Variants in FRMD4A observed in about 807,000 individuals in gnomAD.
FRMD4A encodes the protein FERM domain containing 4A, also known as FERM domain-containing protein 4A.
Under a neutral mutation model 129.1 loss-of-function variants are expected in FRMD4A, and 29 were observed. That is an observed-to-expected ratio of 0.22 (90% CI 0.17 to 0.31). The LOEUF is 0.31. Among genes scored for constraint, FRMD4A ranks in the 10% least tolerant of loss-of-function variants. The probability of loss-of-function intolerance (pLI) is 1.00; values close to 1 mark genes in which losing one functional copy is unlikely to be tolerated. For synonymous variants in FRMD4A, 634 were observed against 571.6 expected (o/e 1.11, Z -1.56); for missense variants, 1,272 against 1,375.8 (o/e 0.92, Z 1.19).
intron 2 of FRMD4A, among the ~76,000 whole-genome samples, chr10:14,162,839 C>G (rs1303143671): frequency 2.0e-5 from 3 of 152,026 alleles, no homozygotes; most frequent in Non-Finnish European, 4.4e-5. Flanking sequence ...TGCCCAAGAG[C>G]CTTACCCAAG....
intron 4 of FRMD4A, among the ~76,000 whole-genome samples, chr10:13,797,083 G>A (rs539778140): frequency 7.2e-5 from 11 of 152,310 alleles, no homozygotes; most frequent in East Asian, 1.9e-4. Context: ...AGGGGATACC[G>A]AGTCAGCAGT....
intron 2 of FRMD4A, among the ~76,000 whole-genome samples, chr10:14,144,802 C>G (rs11258898): frequency 1.3e-5 from 2 of 151,972 alleles, no homozygotes; most frequent in African/African-American, 4.8e-5. Context: ...TCCTATGATG[C>G]TTGGTTCTGG....
chr10:13,992,716 G>A (rs2095607544), intron 2 of FRMD4A, among the ~76,000 whole-genome samples: 1 of 152,116 alleles, frequency 6.6e-6, no homozygotes, highest in African/African-American at 2.4e-5. Context: ...CACTTTGGGA[G>A]GCCAAGACAC....
intron 2 of FRMD4A, among the ~76,000 whole-genome samples, chr10:13,909,507 A>G (rs1175187205): frequency 2.0e-5 from 3 of 152,264 alleles, no homozygotes; most frequent in Non-Finnish European, 4.4e-5. Context: ...CCAGCATGGA[A>G]ACATAAGATA....
chr10:13,826,144 T>A (rs1053100228), intron 3 of FRMD4A, among the ~76,000 whole-genome samples: 8 of 152,244 alleles, frequency 5.3e-5, no homozygotes, highest in African/African-American at 1.9e-4. Context: ...ACCTGGTACA[T>A]GAGAGGTGCT....
intron 2 of FRMD4A, among the ~76,000 whole-genome samples, chr10:14,175,772 G>A (rs553708806): frequency 1.6e-3 from 246 of 152,162 alleles, no homozygotes; most frequent in Admixed American, 3.5e-3. Context: ...AGATCCTTCC[G>A]CCTCAGCCTC....
intron 3 of FRMD4A, among the ~76,000 whole-genome samples, chr10:13,841,616 A>G (rs902834000): frequency 1.3e-5 from 2 of 152,210 alleles, no homozygotes; most frequent in Non-Finnish European, 1.5e-5. Flanking sequence ...AAAAGAATCA[A>G]TGTGCCAGGA....
chr10:13,664,093 C>T (rs1340705683), intron 18 of FRMD4A, among the ~76,000 whole-genome samples: 1 of 152,148 alleles, frequency 6.6e-6, no homozygotes, highest in East Asian at 1.9e-4. Context: ...AAATAATCCT[C>T]CCTGTTTCAC....
intron 2 of FRMD4A, among the ~76,000 whole-genome samples, chr10:14,127,898 A>T (rs1327688939): frequency 1.3e-5 from 2 of 149,570 alleles, no homozygotes; most frequent in African/African-American, 5.0e-5. Context: ...CCCCATATTT[A>T]TATTTTGCTT....
chr10:14,250,370 G>A (rs938185463), intron 2 of FRMD4A, among the ~76,000 whole-genome samples: 2 of 152,198 alleles, frequency 1.3e-5, no homozygotes, highest in African/African-American at 4.8e-5. Context: ...AGAATAGCAG[G>A]AGAAATACCT....
intron 6 of FRMD4A, among the ~76,000 whole-genome samples, chr10:13,766,766 C>T (rs2092301185): frequency 6.6e-6 from 1 of 152,166 alleles, no homozygotes; most frequent in Non-Finnish European, 1.5e-5. Flanking sequence ...CTGAAAATTT[C>T]CCATGGTACT....
chr10:13,974,759 T>C (rs936148223), intron 2 of FRMD4A, among the ~76,000 whole-genome samples: 1 of 152,094 alleles, frequency 6.6e-6, no homozygotes, highest in African/African-American at 2.4e-5. Context: ...ACTCTTGACC[T>C]CAGGTGATCC....
chr10:13,671,666 C>G (rs1479888070), intron 16 of FRMD4A, among the ~76,000 whole-genome samples: 1 of 152,182 alleles, frequency 6.6e-6, no homozygotes, highest in African/African-American at 2.4e-5. Context: ...GAATCAGGCT[C>G]TCTGTGAGTG....
At chr10:14,056,036 G>C (rs780645710) in intron 2 of FRMD4A, among the ~76,000 whole-genome samples, 1 of 152,116 alleles carries the variant, frequency 6.6e-6, no homozygotes, top group East Asian at 1.9e-4. Context: ...CTGGGTTCAC[G>C]TCATTCTTTT....
intron 3 of FRMD4A, among the ~76,000 whole-genome samples, chr10:13,831,769 A>C (rs916851660): frequency 6.6e-6 from 1 of 152,030 alleles, no homozygotes; most frequent in Non-Finnish European, 1.5e-5. Context: ...CAACATCCTC[A>C]TTACATCCTT....
intron 15 of FRMD4A, chr10:13,692,143 T>C (rs2085762788): frequency 4.9e-5 from 2 of 41,112 alleles, no homozygotes; most frequent in South Asian, 9.3e-4. Context: ...TTAGCAGCTT[T>C]TTTTTTTTTT....
chr10:13,832,280 G>A (rs1041005651), intron 3 of FRMD4A, among the ~76,000 whole-genome samples: 1 of 152,144 alleles, frequency 6.6e-6, no homozygotes, highest in Non-Finnish European at 1.5e-5. Flanking sequence ...TTTCCCGTGT[G>A]TCCACAGCAA....
chr10:13,866,547 C>A (rs1277214582), intron 2 of FRMD4A, among the ~76,000 whole-genome samples: 1 of 152,134 alleles, frequency 6.6e-6, no homozygotes, highest in Non-Finnish European at 1.5e-5. Flanking sequence ...TGCAAGACCA[C>A]AAAATCTCAA....
chr10:13,937,060 T>A (rs983390771), intron 2 of FRMD4A, among the ~76,000 whole-genome samples: 1 of 152,206 alleles, frequency 6.6e-6, no homozygotes, highest in Non-Finnish European at 1.5e-5. Context: ...TTCTCAGCAA[T>A]GTGGAAATAC....
Sources: gnomAD v4.1 joint callset for allele counts (sites outside exome capture counted in the v4.1 genomes callset) on GRCh38, gnomAD v4.1.1 for gene constraint, MANE v1.5 for transcripts, NCBI Gene and HGNC (gene_info 2026-07-23, HGNC 2026-07-21) for gene names.